The following PPFIA2 variants were observed in gnomAD, a reference collection of about 807,000 sequenced individuals.
The protein encoded by PPFIA2 is PPFI scaffold protein A2.
PPFIA2 carries 46 observed loss-of-function variants against 175.5 expected under a neutral mutation model. The observed-to-expected ratio is 0.26, with a 90% CI of 0.21 to 0.34. The LOEUF is 0.34. Ranked by LOEUF, PPFIA2 falls within the 10% of genes least tolerant of loss-of-function variation. The pLI is 1.00. For missense variants in PPFIA2, 1,179 were observed against 1,506.1 expected, an observed-to-expected ratio of 0.78 and a Z score of 3.60; for synonymous variants, 568 against 511.4, an observed-to-expected ratio of 1.11 and a Z score of -1.49.
intron 4 of PPFIA2, among the ~76,000 whole-genome samples, chr12:81,582,819 G>A (rs1351089562): frequency 6.6e-6 from 1 of 151,600 alleles, no homozygotes; most frequent in Non-Finnish European, 1.5e-5. Flanking sequence ...GAAATGTCCT[G>A]GGAATCATCA....
chr12:81,543,340 G>T (rs1018382515), intron 4 of PPFIA2, among the ~76,000 whole-genome samples: 1 of 152,006 alleles, frequency 6.6e-6, no homozygotes, highest in African/African-American at 2.4e-5. Context: ...CACAAAAAAT[G>T]ATGGGGTCTG....
At chr12:81,323,616 G>T (rs2054145813) in intron 22 of PPFIA2, among the ~76,000 whole-genome samples, 1 of 151,656 alleles carries the variant, frequency 6.6e-6, no homozygotes, top group East Asian at 1.9e-4. Context: ...TTAAACACTT[G>T]GAAAAATCCA....
chr12:81,291,895 A>C (rs1260925567), intron 24 of PPFIA2, among the ~76,000 whole-genome samples: 1 of 152,126 alleles, frequency 6.6e-6, no homozygotes, highest in African/African-American at 2.4e-5. Flanking sequence ...TGAAAAACTG[A>C]AAGTAGTTCC....
intron 3 of PPFIA2, among the ~76,000 whole-genome samples, chr12:81,723,004 C>T (rs1246781825): frequency 6.6e-6 from 1 of 150,990 alleles, no homozygotes; most frequent in African/African-American, 2.4e-5. Flanking sequence ...ATATATAACA[C>T]CAAAGAACAG....
At chr12:81,440,157 T>C (rs1349267488) in intron 6 of PPFIA2, 111 bp from the exon 7 acceptor site, 1 of 662,406 alleles carries the variant, frequency 1.5e-6, no homozygotes. Context: ...ATTATTAAAG[T>C]ATTTATATCC....
At chr12:81,404,732 C>T (rs2042634360) in intron 8 of PPFIA2, among the ~76,000 whole-genome samples, 1 of 152,144 alleles carries the variant, frequency 6.6e-6, no homozygotes, top group African/African-American at 2.4e-5. Flanking sequence ...GATTTACTTA[C>T]TTTATTTTGC....
intron 4 of PPFIA2, among the ~76,000 whole-genome samples, chr12:81,473,657 G>C (rs11114872): frequency 0.071 from 10,740 of 152,170 alleles, 540 homozygotes; most frequent in East Asian, 0.2. Context: ...TGGCACCCAA[G>C]ATGAATTTTA....
chr12:81,630,904 T>A (rs1321367349), intron 4 of PPFIA2, among the ~76,000 whole-genome samples: 172 of 133,030 alleles, frequency 1.3e-3, no homozygotes, highest in South Asian at 7.7e-3. Context: ...TATATATTTT[T>A]TTTTTTTTTC....
chr12:81,706,468 A>C (rs1165738640), intron 3 of PPFIA2, among the ~76,000 whole-genome samples: 1 of 152,210 alleles, frequency 6.6e-6, no homozygotes, highest in East Asian at 1.9e-4. Context: ...CCACAACCTT[A>C]AAAATTATAC....
chr12:81,404,765 A>G (rs2142885020), intron 8 of PPFIA2, among the ~76,000 whole-genome samples: 1 of 152,312 alleles, frequency 6.6e-6, no homozygotes, highest in East Asian at 1.9e-4. Context: ...AGGAAGAAAC[A>G]TAAGAAGTCC....
intron 7 of PPFIA2, among the ~76,000 whole-genome samples, chr12:81,423,368 C>G (rs952721271): frequency 6.6e-6 from 1 of 151,906 alleles, no homozygotes; most frequent in Non-Finnish European, 1.5e-5. Context: ...ACTAGCAAAC[C>G]CAATGCAACA....
chr12:81,706,747 T>G (rs2077202787), intron 3 of PPFIA2, among the ~76,000 whole-genome samples: 1 of 152,106 alleles, frequency 6.6e-6, no homozygotes, highest in Non-Finnish European at 1.5e-5. Flanking sequence ...AGAACAAAGC[T>G]GGAGGCATCC....
chr12:81,521,005 TAGC>T (rs140571816), intron 4 of PPFIA2, among the ~76,000 whole-genome samples: 1 of 152,292 alleles, frequency 6.6e-6, no homozygotes, highest in Non-Finnish European at 1.5e-5. Flanking sequence ...TAAAACATAA[TAGC>T]AGAAATGTCT....
At chr12:81,282,361 G>A (rs1204577096) in intron 26 of PPFIA2, among the ~76,000 whole-genome samples, 1 of 151,938 alleles carries the variant, frequency 6.6e-6, no homozygotes, top group African/African-American at 2.4e-5. Context: ...CAATCCTACT[G>A]TGTGTTTAAA....
At chr12:81,443,963 T>C (rs2050745242) in intron 6 of PPFIA2, among the ~76,000 whole-genome samples, 1 of 143,628 alleles carries the variant, frequency 7.0e-6, no homozygotes, top group Admixed American at 7.1e-5. Context: ...CACGCCATTC[T>C]CCTGCCTCAG....
chr12:81,365,868 G>C (rs1388277750), intron 14 of PPFIA2, among the ~76,000 whole-genome samples: 1 of 151,564 alleles, frequency 6.6e-6, no homozygotes, highest in African/African-American at 2.4e-5. Context: ...ATTTTTAATT[G>C]CTTCATAATA....
intron 26 of PPFIA2, among the ~76,000 whole-genome samples, chr12:81,282,356 C>A (rs1593775200): frequency 6.6e-6 from 1 of 152,070 alleles, no homozygotes. Flanking sequence ...AAATACAATC[C>A]TACTGTGTGT....
rs537337621 is a variant in PPFIA2, at chr12:81,386,445, GA to G, written c.763-2202del. ...TTGAGACCTGCCTGGGCAACATGGG[GA>G]GACTCCAACTCTAAAAAATAGGAAA... On this transcript the variant is annotated intron_variant, in intron 8 of 32. Coordinates refer to ENST00000549396, the MANE Select transcript of PPFIA2 (RefSeq NM_003625.5). Among the ~76,000 whole-genome samples the G allele has an allele frequency of 5.9e-5, 9 of 151,786 alleles. No individual in the cohort carries two copies. In the South Asian group the frequency reaches 1.9e-3, roughly 32 times the overall value.
intron 4 of PPFIA2, among the ~76,000 whole-genome samples, chr12:81,527,390 T>A (rs988871670): frequency 6.6e-6 from 1 of 152,088 alleles, no homozygotes; most frequent in Non-Finnish European, 1.5e-5. Context: ...CTGTTTAGAG[T>A]AAAATTCTTT....
Sources: allele counts gnomAD v4.1 joint callset (sites outside exome capture counted in the v4.1 genomes callset), GRCh38; gene constraint gnomAD v4.1.1; transcripts MANE v1.5; gene names NCBI Gene and HGNC (gene_info 2026-07-23, HGNC 2026-07-21).